PTPRM: variants seen among roughly 807,000 people sequenced by gnomAD.
PTPRM encodes receptor-type tyrosine-protein phosphatase mu.
PTPRM carries 47 observed loss-of-function variants against 186.7 expected under a neutral mutation model. That is an observed-to-expected ratio of 0.25 (90% CI 0.20 to 0.32). The LOEUF (loss-of-function observed/expected upper bound fraction) is 0.32. PTPRM is among the 10% of genes least tolerant of loss of function. PTPRM has a pLI of 1.00. For synonymous variants in PTPRM, 668 were observed against 674.9 expected, an observed-to-expected ratio of 0.99 and a Z score of 0.16; for missense variants, 1,494 against 1,865.0, an observed-to-expected ratio of 0.80 and a Z score of 3.66.
At chr18:7,689,029 T>C (rs2039673978) in intron 1 of PTPRM, among the ~76,000 whole-genome samples, 1 of 152,164 alleles carries the variant, frequency 6.6e-6, no homozygotes, top group Non-Finnish European at 1.5e-5. Flanking sequence ...GTGCCTGTAG[T>C]CCAAACAGGA....
At chr18:8,084,212 A>G (rs2090309466) in intron 9 of PTPRM, among the ~76,000 whole-genome samples, 1 of 152,150 alleles carries the variant, frequency 6.6e-6, no homozygotes, top group African/African-American at 2.4e-5. Flanking sequence ...AATATGTTTC[A>G]AATGTGTGGG....
intron 7 of PTPRM, among the ~76,000 whole-genome samples, chr18:7,961,396 T>G (rs1486140361): frequency 6.6e-6 from 1 of 152,240 alleles, no homozygotes; most frequent in African/African-American, 2.4e-5. Context: ...TGTGACTGGC[T>G]TATTCCACGT....
intron 7 of PTPRM, among the ~76,000 whole-genome samples, chr18:8,030,385 C>G (rs2085885095): frequency 6.6e-6 from 1 of 152,140 alleles, no homozygotes; most frequent in Non-Finnish European, 1.5e-5. Context: ...ACTGGTTTCT[C>G]AACATGACTT....
chr18:7,580,478 C>T (rs980733466), intron 1 of PTPRM, among the ~76,000 whole-genome samples: 4 of 152,170 alleles, frequency 2.6e-5, no homozygotes, highest in Admixed American at 6.5e-5. Context: ...TCACAGGTGA[C>T]GCCAAAGGCT....
At chr18:8,206,268 A>ATTTTTATTTTTTTTTTT (rs1238112461) in intron 14 of PTPRM, among the ~76,000 whole-genome samples, 1 of 148,988 alleles carries the variant, frequency 6.7e-6, no homozygotes, top group African/African-American at 2.6e-5. Context: ...ATTTTATTTT[A>ATTTTTATTTTTTTTTTT]TTTTGAGACG....
intron 7 of PTPRM, among the ~76,000 whole-genome samples, chr18:8,019,030 G>A (rs1166464422): frequency 6.6e-6 from 1 of 152,112 alleles, no homozygotes; most frequent in Non-Finnish European, 1.5e-5. Context: ...GATTAATAAG[G>A]TAATATCTGT....
intron 14 of PTPRM, among the ~76,000 whole-genome samples, chr18:8,232,252 T>G (rs2094296126): frequency 6.6e-6 from 1 of 152,234 alleles, no homozygotes; most frequent in South Asian, 2.1e-4. Flanking sequence ...TGACACACGT[T>G]TAAGTTTCCT....
intron 1 of PTPRM, among the ~76,000 whole-genome samples, chr18:7,723,780 G>A (rs972105780): frequency 6.6e-6 from 1 of 152,124 alleles, no homozygotes; most frequent in African/African-American, 2.4e-5. Context: ...GTCCCCTGGG[G>A]GCGCGGGCTG....
At chr18:7,847,326 C>A (rs1485187440) in intron 2 of PTPRM, among the ~76,000 whole-genome samples, 2 of 151,902 alleles carry the variant, frequency 1.3e-5, no homozygotes, top group Admixed American at 6.6e-5. Flanking sequence ...GCCACCACAC[C>A]TGGCTAATTT....
In PTPRM at chr18:7,879,160, A is replaced by G. The variant is rs183918734; in HGVS notation, c.197-8946A>G. Among the ~76,000 whole-genome samples the G allele has an allele frequency of 7.9e-5, 12 of 152,304 alleles. No homozygotes were observed. In the East Asian group the frequency reaches 2.3e-3, roughly 29 times the overall value. Reference sequence around the variant, plus strand: ...TCATTAAAGCTTCCCTTTTCTTATAAAAGGAGAGCACATTGCTTGTTACTA... The same window carrying G: ...TCATTAAAGCTTCCCTTTTCTTATAGAAGGAGAGCACATTGCTTGTTACTA... On this transcript the variant is annotated intron_variant, in intron 2 of 32. Transcript: ENST00000580170.
chr18:7,570,731 C>T (rs186049041), intron 1 of PTPRM, among the ~76,000 whole-genome samples: 22 of 152,208 alleles, frequency 1.4e-4, no homozygotes, highest in African/African-American at 4.3e-4. Context: ...GGCACTCTGC[C>T]CTTTGCTTTC....
intron 1 of PTPRM, among the ~76,000 whole-genome samples, chr18:7,712,352 G>C (rs2040230894): frequency 6.6e-6 from 1 of 152,120 alleles, no homozygotes; most frequent in Non-Finnish European, 1.5e-5. Context: ...AACCCCATCT[G>C]AAGGTCACCA....
At chr18:7,981,869 T>C (rs1428653271) in intron 7 of PTPRM, among the ~76,000 whole-genome samples, 1 of 152,150 alleles carries the variant, frequency 6.6e-6, no homozygotes, top group African/African-American at 2.4e-5. Context: ...TAGCTAAACA[T>C]TGAAACGTAG....
chr18:7,675,191 G>C (rs2039306426), intron 1 of PTPRM, among the ~76,000 whole-genome samples: 1 of 152,140 alleles, frequency 6.6e-6, no homozygotes, highest in African/African-American at 2.4e-5. Flanking sequence ...CAGTCTTTTT[G>C]GGTATTGTTG....
At chr18:8,392,821 C>G (rs138143392) in intron 31 of PTPRM, among the ~76,000 whole-genome samples, 11 of 152,108 alleles carry the variant, frequency 7.2e-5, no homozygotes, top group Admixed American at 2.0e-4. Context: ...ACAATGTGAA[C>G]AAAATCAATA....
At chr18:8,173,895 C>G (rs1055266704) in intron 14 of PTPRM, among the ~76,000 whole-genome samples, 1 of 152,130 alleles carries the variant, frequency 6.6e-6, no homozygotes, top group African/African-American at 2.4e-5. Context: ...ATGGCAAAAC[C>G]CCATCTCTAT....
intron 1 of PTPRM, among the ~76,000 whole-genome samples, chr18:7,770,504 A>G (rs768529395): frequency 6.6e-6 from 1 of 152,228 alleles, no homozygotes; most frequent in Non-Finnish European, 1.5e-5. Context: ...ATGCTGGCTG[A>G]ACATGCCTGA....
At chr18:7,926,727 A>G in intron 5 of PTPRM, 44 bp downstream of exon 5, 1 of 1,440,652 alleles carries the variant, frequency 6.9e-7, no homozygotes, top group Non-Finnish European at 9.6e-7. Flanking sequence ...TCCAGCGGGA[A>G]GAATACACTC....
chr18:7,985,496 C>T (rs566988792), intron 7 of PTPRM, among the ~76,000 whole-genome samples: 175 of 147,166 alleles, frequency 1.2e-3, no homozygotes, highest in Admixed American at 3.2e-3. Flanking sequence ...CTGGTAGATA[C>T]GTATATAAAT....
Sources: gnomAD v4.1 joint callset for allele counts (sites outside exome capture counted in the v4.1 genomes callset) on GRCh38, gnomAD v4.1.1 for gene constraint, MANE v1.5 for transcripts, NCBI Gene and HGNC (gene_info 2026-07-23, HGNC 2026-07-21) for gene names.